Variants in FSTL4 observed in about 807,000 individuals in gnomAD.
FSTL4 encodes the protein follistatin like 4.
Under a neutral mutation model 78.2 loss-of-function variants are expected in FSTL4, and 28 were observed. That is an observed-to-expected ratio of 0.36 (90% CI 0.27 to 0.49). The LOEUF is 0.49. Among genes scored for constraint, FSTL4 ranks in the 20% least tolerant of loss-of-function variants. The pLI, the probability that FSTL4 is intolerant of heterozygous loss-of-function variation, is 0.98. For missense variants in FSTL4, 922 were observed against 1,084.9 expected, an observed-to-expected ratio of 0.85 and a Z score of 2.11; for synonymous variants, 422 against 440.5, an observed-to-expected ratio of 0.96 and a Z score of 0.53.
intron 3 of FSTL4, chr5:133,427,801 C>G: frequency 2.4e-6 from 1 of 424,820 alleles, no homozygotes; most frequent in Non-Finnish European, 5.3e-6. Context: ...GGCTTTGGTT[C>G]CTTCTCAGAG....
the FSTL4 span, among the ~76,000 whole-genome samples, chr5:133,627,773 T>G: frequency 7.9e-5 from 12 of 152,098 alleles, no homozygotes; most frequent in Admixed American, 5.9e-4. Context: ...TTATTTTTTG[T>G]TCTGTGTATG....
intron 6 of FSTL4, among the ~76,000 whole-genome samples, chr5:133,261,881 A>C (rs2126836236): frequency 6.6e-6 from 1 of 151,846 alleles, no homozygotes; most frequent in Middle Eastern, 3.4e-3. Flanking sequence ...AGTCCCAGCT[A>C]CTCAGGAGGC....
chr5:133,503,758 C>G (rs1758554864), intron 3 of FSTL4, among the ~76,000 whole-genome samples: 1 of 152,232 alleles, frequency 6.6e-6, no homozygotes, highest in Admixed American at 6.5e-5. Context: ...GTGCTCTCTC[C>G]TCTCCCATTG....
At chr5:133,723,299 A>T in the FSTL4 span, among the ~76,000 whole-genome samples, 1 of 152,182 alleles carries the variant, frequency 6.6e-6, no homozygotes, top group African/African-American at 2.4e-5. Flanking sequence ...CAGCAATTGC[A>T]TGGCTCTGGA....
chr5:133,823,030 T>C, the FSTL4 span, among the ~76,000 whole-genome samples: 1 of 152,176 alleles, frequency 6.6e-6, no homozygotes, highest in Admixed American at 6.5e-5. Flanking sequence ...AAACAGACCA[T>C]GAACAATAGA....
rs116633224 is a variant in FSTL4 at position 133,382,368 on chromosome 5, A to G, written c.409+18370T>C. 4.6e-3 allele frequency among the ~76,000 whole-genome samples: 705 copies of G among 151,980 alleles called. 7 individuals carry two copies. The highest frequency in any genetic ancestry group is 0.016 in the African/African-American group (668 of 41,412). On this transcript the variant is annotated intron_variant, in intron 4 of 15. Transcript: ENST00000265342. ...GTTTGTTACTGTGGCATAACCTAAC[A>G]CTCCTCTGAAACCTCCATTTCTTTA...
the FSTL4 span, among the ~76,000 whole-genome samples, chr5:133,813,742 A>G: frequency 6.6e-6 from 1 of 152,206 alleles, no homozygotes; most frequent in Non-Finnish European, 1.5e-5. Flanking sequence ...CTGCCAAAAA[A>G]CAGAAGCAGT....
chr5:133,286,602 G>A (rs987914913), intron 6 of FSTL4, among the ~76,000 whole-genome samples: 11 of 152,076 alleles, frequency 7.2e-5, no homozygotes, highest in Admixed American at 5.2e-4. Context: ...CATGGATGTT[G>A]CCCCAGCTGG....
the FSTL4 span, among the ~76,000 whole-genome samples, chr5:133,651,390 C>G: frequency 1.3e-5 from 2 of 152,034 alleles, no homozygotes; most frequent in East Asian, 1.9e-4. Context: ...TATTCTTTAT[C>G]AAGTTGAGGA....
chr5:133,241,129 C>T (rs1175223676), intron 7 of FSTL4, among the ~76,000 whole-genome samples: 1 of 152,244 alleles, frequency 6.6e-6, no homozygotes, highest in Non-Finnish European at 1.5e-5. Context: ...GAGAGGAGAA[C>T]AGAGATTCCA....
Position 133,249,509 on chromosome 5 carries a change from G to A in FSTL4, c.795C>T (p.Ser265=). Residue 265 remains serine, a synonymous_variant, in exon 7 of 16, where the codon AGC becomes AGT. Transcript: ENST00000265342. ...CATGGACGGCGCAGGTCAGCACTGT[G>A]CTCAGCCCCACGGTCACTGTGGTCA... ...VSVTTVTVGL[S]TVLTCAVHGD... 1 of 1,613,430 alleles carries A rather than the reference G, an allele frequency of 6.2e-7. No homozygotes were observed. Among genetic ancestry groups the A allele is most frequent in the Non-Finnish European group, 8.5e-7 (1 of 1,179,486 alleles).
chr5:133,370,328 A>G (rs1203662536), intron 4 of FSTL4, among the ~76,000 whole-genome samples: 1 of 152,066 alleles, frequency 6.6e-6, no homozygotes, highest in Admixed American at 6.5e-5. Flanking sequence ...TGAGACTGAG[A>G]TGGCCCCTCA....
chr5:133,239,771 T>G (rs527584349), intron 7 of FSTL4, among the ~76,000 whole-genome samples: 2 of 152,256 alleles, frequency 1.3e-5, no homozygotes, highest in East Asian at 3.9e-4. Flanking sequence ...TGGAGAAACT[T>G]TGTGTGGACA....
chr5:133,205,578 T>A (rs1004367908), intron 14 of FSTL4, among the ~76,000 whole-genome samples: 2 of 152,178 alleles, frequency 1.3e-5, no homozygotes, highest in African/African-American at 4.8e-5. Context: ...TTTATTCCTT[T>A]AAAAAAATCA....
the FSTL4 span, among the ~76,000 whole-genome samples, chr5:133,807,036 GT>G: frequency 0.042 from 6,402 of 152,252 alleles, 168 homozygotes; most frequent in East Asian, 0.12. Context: ...ATATGCATAA[GT>G]TTCATGGATA....
At chr5:133,727,181 A>G in the FSTL4 span, among the ~76,000 whole-genome samples, 2 of 152,156 alleles carry the variant, frequency 1.3e-5, no homozygotes, top group East Asian at 3.9e-4. Context: ...CAGAAAATGA[A>G]ATGGAAAAGC....
the FSTL4 span, among the ~76,000 whole-genome samples, chr5:133,649,681 G>A: frequency 6.6e-6 from 1 of 151,988 alleles, no homozygotes; most frequent in Non-Finnish European, 1.5e-5. Context: ...TAAGGTCTTT[G>A]GCCCATTTTT....
chr5:133,753,683 C>CTGTGTGTGTGTG, the FSTL4 span, among the ~76,000 whole-genome samples: 90 of 120,684 alleles, frequency 7.5e-4, no homozygotes, highest in African/African-American at 1.8e-3. Flanking sequence ...CACATTTGTT[C>CTGTGTGTGTGTG]TGTGTGTGTG....
chr5:133,654,872 C>T, the FSTL4 span, among the ~76,000 whole-genome samples: 3 of 152,184 alleles, frequency 2.0e-5, no homozygotes, highest in Non-Finnish European at 4.4e-5. Flanking sequence ...CTCAGGAGAG[C>T]CCTCTGGTAT....
Sources: gnomAD v4.1 joint callset for allele counts (sites outside exome capture counted in the v4.1 genomes callset) on GRCh38, gnomAD v4.1.1 for gene constraint, MANE v1.5 for transcripts, NCBI Gene and HGNC (gene_info 2026-07-23, HGNC 2026-07-21) for gene names.